The following UGT1A9 variants were observed in gnomAD, a reference collection of about 807,000 sequenced individuals.
The protein encoded by UGT1A9 is UDP glucuronosyltransferase family 1 member A9.
Under a neutral mutation model 45.0 loss-of-function variants are expected in UGT1A9, and 35 were observed. The ratio of observed to expected loss-of-function variants is 0.78; its 90% CI spans 0.59 to 1.03. The LOEUF (loss-of-function observed/expected upper bound fraction) is 1.03. UGT1A9 is among the 50% of genes least tolerant of loss of function. The pLI, the probability that UGT1A9 is intolerant of heterozygous loss-of-function variation, is 0.00. For missense variants in UGT1A9, 687 were observed against 666.6 expected (o/e 1.03, Z -0.34); for synonymous variants, 278 against 250.6 (o/e 1.11, Z -1.03).
chr2:233,708,055 C>T (rs77717552), intron 1 of UGT1A9, among the ~76,000 whole-genome samples: 1 of 152,108 alleles, frequency 6.6e-6, no homozygotes, highest in African/African-American at 2.4e-5. Flanking sequence ...AATATCTTCC[C>T]CCACTCTGCA....
chr2:233,745,744 G>A (rs1406161320), intron 1 of UGT1A9, among the ~76,000 whole-genome samples: 1 of 149,304 alleles, frequency 6.7e-6, no homozygotes, highest in Non-Finnish European at 1.5e-5. Context: ...GAGGGAGGGG[G>A]CAAGCAGAAG....
At chr2:233,689,303 A>G (rs1203200538) in intron 1 of UGT1A9, among the ~76,000 whole-genome samples, 3 of 151,440 alleles carry the variant, frequency 2.0e-5, no homozygotes, top group Non-Finnish European at 4.4e-5. Context: ...CACCCAGCAC[A>G]GTAAGACCAA....
chr2:233,725,733 T>C (rs1277713269), intron 1 of UGT1A9, among the ~76,000 whole-genome samples: 1 of 152,236 alleles, frequency 6.6e-6, no homozygotes, highest in Non-Finnish European at 1.5e-5. Flanking sequence ...TGTTTACAAA[T>C]GTAAACATTG....
chr2:233,734,278 T>A (rs2078507022), intron 1 of UGT1A9, among the ~76,000 whole-genome samples: 1 of 152,194 alleles, frequency 6.6e-6, no homozygotes, highest in Admixed American at 6.5e-5. Flanking sequence ...CAGGAATTTA[T>A]CCATTTCTTC....
chr2:233,767,288 C>T (rs1214442488), intron 2 of UGT1A9, 123 bp downstream of exon 2: 1 of 1,566,280 alleles, frequency 6.4e-7, no homozygotes, highest in African/African-American at 1.4e-5. Flanking sequence ...TGCCACTTCC[C>T]AACTATTAAT....
At chr2:233,681,786 A>C in intron 1 of UGT1A9, 1 of 1,449,466 alleles carries the variant, frequency 6.9e-7, no homozygotes, top group Non-Finnish European at 9.1e-7. Context: ...TATTATTATG[A>C]GTAAATCATT....
intron 1 of UGT1A9, chr2:233,747,247 C>A: frequency 6.2e-7 from 1 of 1,601,894 alleles, no homozygotes; most frequent in Non-Finnish European, 8.5e-7. Flanking sequence ...CCTGCTGTGG[C>A]TGGCCACAGG....
chr2:233,758,379 G>T (rs116011249), intron 1 of UGT1A9, among the ~76,000 whole-genome samples: 127 of 152,312 alleles, frequency 8.3e-4, no homozygotes, highest in African/African-American at 3.0e-3. Context: ...TTACAGTGGT[G>T]ACTTATGTGT....
intron 1 of UGT1A9, among the ~76,000 whole-genome samples, chr2:233,703,976 C>T (rs542132657): frequency 9.2e-5 from 14 of 152,024 alleles, no homozygotes; most frequent in East Asian, 1.9e-4. Context: ...CTGCAACCTC[C>T]GCCTCCTGGG....
chr2:233,693,625 A>G (rs1366188345), intron 1 of UGT1A9: 1 of 1,614,140 alleles, frequency 6.2e-7, no homozygotes, highest in East Asian at 2.2e-5. Flanking sequence ...CTTTTTCCCA[A>G]CGAGTGGCCA....
rs587776764 is a variant in UGT1A9 at position 233,761,152 on chromosome 2, G to C, written c.856-5882G>C. ...CCTTCACCAAAATCCACTATCCCAG[G>C]TGTGTATTGGAGTGGGACTTTTACA... is the stretch of plus-strand genomic sequence containing the variant. On this transcript the variant is annotated intron_variant, in intron 1 of 4. Coordinates refer to ENST00000354728, the MANE Select transcript of UGT1A9 (RefSeq NM_021027.3). The C allele has an allele frequency of 2.5e-6, 4 of 1,614,084 alleles. No homozygotes were observed. The African/African-American group carries it at 4.0e-5, about 16-fold the overall frequency.
rs1328380095 is a variant in UGT1A9, at chr2:233,769,540, G to A, written c.1295+1101G>A. On this transcript the variant is annotated intron_variant, in intron 4 of 4. Coordinates refer to ENST00000354728, the MANE Select transcript of UGT1A9 (RefSeq NM_021027.3). The surrounding 1 kb of genome is among the most constrained non-coding windows in gnomAD (Gnocchi z 4.4). ...TGGTTACCTCCTTTAGAAAGAAGCA[G>A]CAGTCAGGAAGACAGATGTGAAGAG... The A allele has an allele frequency of 1.9e-6, 3 of 1,612,926 alleles. No homozygotes were observed. In the South Asian group the frequency reaches 3.3e-5, roughly 18 times the overall value.
chr2:233,725,031 A>T (rs1445155705), intron 1 of UGT1A9, among the ~76,000 whole-genome samples: 4 of 148,206 alleles, frequency 2.7e-5, no homozygotes, highest in Admixed American at 1.3e-4. Context: ...CCCGGTCTCC[A>T]CCAAAACCAG....
Position 233,719,098 on chromosome 2 carries a change from C to T in UGT1A9, c.855+46309C>T, listed in dbSNP as rs188914242. 5.5e-5 allele frequency: 89 copies of T among 1,614,240 alleles called. 1 individual carries two copies. In the Admixed American group the frequency reaches 7.3e-4, roughly 13 times the overall value. On this transcript the variant is annotated intron_variant, in intron 1 of 4. Coordinates refer to ENST00000354728, the MANE Select transcript of UGT1A9 (RefSeq NM_021027.3). Reference sequence around the variant, plus strand: ...ACCCAGAAGGAATTTGATCGCGTTACGCTGGGCTACACTCAAGGGTTCTTT... The same window carrying T: ...ACCCAGAAGGAATTTGATCGCGTTATGCTGGGCTACACTCAAGGGTTCTTT...
intron 1 of UGT1A9, among the ~76,000 whole-genome samples, chr2:233,736,892 T>C (rs905438192): frequency 2.6e-5 from 4 of 152,220 alleles, no homozygotes; most frequent in Non-Finnish European, 5.9e-5. Flanking sequence ...TATTGCTGCC[T>C]GATCCTTCCT....
At chr2:233,678,158 G>A (rs1020581843) in intron 1 of UGT1A9, among the ~76,000 whole-genome samples, 9 of 152,154 alleles carry the variant, frequency 5.9e-5, no homozygotes, top group African/African-American at 2.2e-4. Context: ...AGACACTATG[G>A]ACTCCTAAAA....
In UGT1A9 at chr2:233,733,917, G is replaced by T. The variant is rs753783737; in HGVS notation, c.856-33117G>T. On this transcript the variant is annotated intron_variant, in intron 1 of 4. Coordinates refer to ENST00000354728, the MANE Select transcript of UGT1A9 (RefSeq NM_021027.3). ...GTTTGTACCTCTCTGGTAGAATTCG[G>T]CTGTGAGGAAGGGGAACATCACATA... Among the ~76,000 whole-genome samples the T allele has an allele frequency of 9.2e-5, 14 of 152,092 alleles. No homozygotes were observed. The East Asian group carries it at 9.7e-4, about 11-fold the overall frequency.
rs150749285 is a variant in UGT1A9 at position 233,754,499 on chromosome 2, C to T, written c.856-12535C>T. On this transcript the variant is annotated intron_variant, in intron 1 of 4. Coordinates refer to ENST00000354728, the MANE Select transcript of UGT1A9 (RefSeq NM_021027.3). ...TTCACTTTCAATCCTAAAAAAAGTCCGCTATTCCTCCAGATGTGCTTAAAG... is the reference window on the plus strand; with the variant it reads ...TTCACTTTCAATCCTAAAAAAAGTCTGCTATTCCTCCAGATGTGCTTAAAG... The T allele has an allele frequency of 2.1e-3, 765 of 355,996 alleles. 11 individuals carry two copies. Among genetic ancestry groups the T allele is most frequent in the African/African-American group, 0.015 (707 of 46,828 alleles). The allele number at this position is 355,996 out of a possible 1,614,324, so 22.1% of individuals were successfully genotyped here. A position where few individuals can be genotyped will look rare whatever the true frequency, so the allele number is the denominator to read the frequency against.
At chr2:233,731,284 C>CTTTTTTTTT (rs78127606) in intron 1 of UGT1A9, among the ~76,000 whole-genome samples, 1 of 139,768 alleles carries the variant, frequency 7.2e-6, no homozygotes. Flanking sequence ...GTTTTTCTTT[C>CTTTTTTTTT]TTTTTTTTTT....
Sources: gnomAD v4.1 joint callset for allele counts (sites outside exome capture counted in the v4.1 genomes callset) on GRCh38, gnomAD v4.1.1 for gene constraint, Gnocchi (gnomAD v3.1) non-coding constraint, MANE v1.5 for transcripts, NCBI Gene and HGNC (gene_info 2026-07-23, HGNC 2026-07-21) for gene names.